The following SHTN1 variants were observed in gnomAD, a reference collection of about 807,000 sequenced individuals.
SHTN1 encodes the protein shootin-1.
Under a neutral mutation model 83.1 loss-of-function variants are expected in SHTN1, and 42 were observed. The ratio of observed to expected loss-of-function variants is 0.51; its 90% CI spans 0.39 to 0.65. SHTN1 has a LOEUF of 0.65. Ranked by LOEUF, SHTN1 falls within the 30% of genes least tolerant of loss-of-function variation. The pLI is 0.00. For synonymous variants in SHTN1, 224 were observed against 247.7 expected (o/e 0.90, Z 0.90); for missense variants, 622 against 737.8 (o/e 0.84, Z 1.82).
chr10:116,986,678 T>C (rs893589219), intron 1 of SHTN1, among the ~76,000 whole-genome samples: 1 of 150,604 alleles, frequency 6.6e-6, no homozygotes, highest in African/African-American at 2.4e-5. Flanking sequence ...GCTCAGGAGT[T>C]TGAGGCCGGC....
intron 14 of SHTN1, among the ~76,000 whole-genome samples, chr10:116,907,231 C>T (rs981251134): frequency 8.5e-5 from 13 of 152,210 alleles, no homozygotes; most frequent in South Asian, 4.2e-4. Context: ...TCCGTGGCGT[C>T]GTAGCTGTCA....
intron 1 of SHTN1, among the ~76,000 whole-genome samples, chr10:117,065,734 AAG>A (rs1227320034): frequency 3.0e-4 from 2 of 6,712 alleles, no homozygotes; most frequent in African/African-American, 5.4e-4. Context: ...AGATGAAAGA[AAG>A]AAAGAAAGAA....
chr10:117,033,721 C>CA (rs34597044), intron 2 of SHTN1, among the ~76,000 whole-genome samples: 98,657 of 151,236 alleles, frequency 0.65, 35,890 homozygotes, highest in Middle Eastern at 0.84. Flanking sequence ...AAAGGCACAT[C>CA]AAAAAAAAGG....
At chr10:116,951,782 G>GA (rs1564893887) in intron 6 of SHTN1, 127 bp downstream of exon 6, 1 of 439,374 alleles carries the variant, frequency 2.3e-6, no homozygotes, top group East Asian at 3.5e-5. Flanking sequence ...ATTGAGGAGA[G>GA]AAGATTAAAA....
intron 16 of SHTN1, among the ~76,000 whole-genome samples, chr10:116,886,920 G>A (rs947556638): frequency 5.6e-5 from 8 of 143,430 alleles, no homozygotes; most frequent in South Asian, 2.6e-4. Flanking sequence ...ACCCCCACCC[G>A]CCCTCACTTA....
At chr10:116,895,193 C>A (rs1392871707) in intron 16 of SHTN1, among the ~76,000 whole-genome samples, 1 of 152,122 alleles carries the variant, frequency 6.6e-6, no homozygotes, top group African/African-American at 2.4e-5. Flanking sequence ...AAGCATCTTT[C>A]TAATCCAATG....
chr10:117,000,062 G>A (rs1424252469), intron 1 of SHTN1, among the ~76,000 whole-genome samples: 1 of 152,186 alleles, frequency 6.6e-6, no homozygotes, highest in African/African-American at 2.4e-5. Context: ...AACTTTCAGA[G>A]GAAAATGCAT....
chr10:117,086,034 C>T (rs1275906788), intron 1 of SHTN1, among the ~76,000 whole-genome samples: 1 of 151,188 alleles, frequency 6.6e-6, no homozygotes, highest in Non-Finnish European at 1.5e-5. Flanking sequence ...GATTCTCCTG[C>T]CTCAGCCTCC....
At chr10:117,029,346 C>CA (rs2133570791) in intron 2 of SHTN1, among the ~76,000 whole-genome samples, 1 of 152,304 alleles carries the variant, frequency 6.6e-6, no homozygotes, top group Admixed American at 6.5e-5. Context: ...TCCCTTGTCT[C>CA]AGAGGAGACT....
chr10:116,926,553 T>C (rs1375068148), intron 11 of SHTN1, among the ~76,000 whole-genome samples: 2 of 152,216 alleles, frequency 1.3e-5, no homozygotes, highest in African/African-American at 4.8e-5. Flanking sequence ...TAAGGAAAAC[T>C]AATGAGAATC....
rs1338004152 is a variant in SHTN1 at position 116,886,295 on chromosome 10, G to A, written c.*49C>T. On this transcript the variant is annotated 3_prime_UTR_variant, in exon 17 of 17. Coordinates refer to ENST00000355371, the MANE Select transcript of SHTN1 (RefSeq NM_001127211.3). ...TTGCCAATATAACAACACTAATCAT[G>A]TGCTTATTGAAAAGGACTTCCAAAC... 6.4e-7 allele frequency: 1 copy of A among 1,550,812 alleles called. No individual in the cohort carries two copies. Among genetic ancestry groups the A allele is most frequent in the Non-Finnish European group, 8.7e-7 (1 of 1,146,492 alleles).
intron 12 of SHTN1, 58 bp downstream of exon 12, chr10:116,921,376 T>A: frequency 8.1e-7 from 1 of 1,234,086 alleles, no homozygotes; most frequent in South Asian, 1.3e-5. Flanking sequence ...AACAAATATG[T>A]GAATTGCCCC....
Position 116,886,353 on chromosome 10 carries a change from G to A in SHTN1, c.1887C>T (p.Ser629=), listed in dbSNP as rs1242697168. The change falls in exon 17 of 17, where the codon TCC becomes TCT. Residue 629 remains serine, a synonymous_variant. Transcript: ENST00000355371. ...SIENVRETDS[S]NC is the part of the protein sequence containing the mutation. ...GCTTCTGGTTTATGGATCAGCAGTT[G>A]GAGCTGTCTGTCTCTCTCACGTTTT... 4 of 1,553,286 alleles carry A rather than the reference G, an allele frequency of 2.6e-6. No homozygotes were observed. In the South Asian group the frequency reaches 4.7e-5, roughly 18 times the overall value.
At chr10:116,919,451 A>T (rs187818830) in intron 12 of SHTN1, among the ~76,000 whole-genome samples, 1 of 152,334 alleles carries the variant, frequency 6.6e-6, no homozygotes, top group Non-Finnish European at 1.5e-5. Context: ...ATGTGGGAGA[A>T]AATACTGTCA....
At chr10:116,967,290 TA>T (rs964631317) in intron 3 of SHTN1, among the ~76,000 whole-genome samples, 8 of 152,062 alleles carry the variant, frequency 5.3e-5, no homozygotes, top group Middle Eastern at 3.4e-3. Flanking sequence ...TTACATTACA[TA>T]AAAAAAATAG....
At chr10:117,097,921 C>T (rs1853529820) in intron 1 of SHTN1, among the ~76,000 whole-genome samples, 1 of 151,328 alleles carries the variant, frequency 6.6e-6, no homozygotes, top group Non-Finnish European at 1.5e-5. Flanking sequence ...CCAACAGATT[C>T]AGATAATGGC....
chr10:117,012,066 G>A (rs1178811464), intron 2 of SHTN1, among the ~76,000 whole-genome samples: 1 of 151,166 alleles, frequency 6.6e-6, no homozygotes, highest in Non-Finnish European at 1.5e-5. Context: ...GTGAACCCGG[G>A]AGGTGGAGCT....
At chr10:117,080,928 T>C in intron 1 of SHTN1, among the ~76,000 whole-genome samples, 1 of 146,824 alleles carries the variant, frequency 6.8e-6, no homozygotes, top group African/African-American at 2.5e-5. Context: ...CTTAAGGAGA[T>C]TTTGGGCTGA....
intron 15 of SHTN1, among the ~76,000 whole-genome samples, chr10:116,905,602 T>G (rs939849776): frequency 1.3e-5 from 2 of 152,204 alleles, no homozygotes; most frequent in Non-Finnish European, 2.9e-5. Context: ...TAAATCTCTC[T>G]CTGAACATGA....
Sources: gnomAD v4.1 joint callset for allele counts (sites outside exome capture counted in the v4.1 genomes callset) on GRCh38, gnomAD v4.1.1 for gene constraint, MANE v1.5 for transcripts, NCBI Gene and HGNC (gene_info 2026-07-23, HGNC 2026-07-21) for gene names.